The following PIEZO1 variants were observed in gnomAD, a reference collection of about 807,000 sequenced individuals.
PIEZO1 encodes the protein piezo-type mechanosensitive ion channel component 1.
Under a neutral mutation model 297.2 loss-of-function variants are expected in PIEZO1, and 296 were observed. The ratio of observed to expected loss-of-function variants is 1.00; its 90% CI spans 0.91 to 1.10. The LOEUF is 1.10. Among genes scored for constraint, PIEZO1 ranks in the 50% least tolerant of loss-of-function variants. PIEZO1 has a pLI of 0.00. For missense variants in PIEZO1, 5,018 were observed against 3,455.5 expected (o/e 1.45, Z -11.34); for synonymous variants, 2,427 against 1,507.5 (o/e 1.61, Z -14.13).
At position 88,749,459 on chromosome 16, in the gene PIEZO1, C is replaced by T. The variant is rs987409464; in HGVS notation, c.85G>A (p.Gly29Arg). Residue 29 changes from glycine to arginine, a missense_variant, in exon 2 of 51, where the codon GGA becomes AGA. Physicochemically the swap from Gly to Arg is moderately radical, Grantham distance 125 (BLOSUM62 -2). Coordinates refer to ENST00000301015, the MANE Select transcript of PIEZO1 (RefSeq NM_001142864.4). Reference sequence around the variant, plus strand: ...AAGAGCAGGTAGACCAGCGAGAGTCCGCTGAAGCGGAGCAGGCAGGCTGCG... The same window carrying T: ...AAGAGCAGGTAGACCAGCGAGAGTCTGCTGAAGCGGAGCAGGCAGGCTGCG... ...LLAACLLRFS[G>R]LSLVYLLFLL... is the part of the protein sequence containing the mutation. 3 of 1,525,518 alleles carry T rather than the reference C, an allele frequency of 2.0e-6. No homozygotes were observed. Among genetic ancestry groups the T allele is most frequent in the South Asian group, 1.2e-5 (1 of 81,958 alleles). The allele number at this position is 1,525,518 out of a possible 1,614,324, so 94.5% of individuals were successfully genotyped here.
Position 88,720,150 on chromosome 16 carries a change from A to G in PIEZO1, c.6083T>C (p.Leu2028Pro). 3 of 1,550,474 alleles carry G rather than the reference A, an allele frequency of 1.9e-6. No individual in the cohort carries two copies. The highest frequency in any genetic ancestry group is 2.6e-6 in the Non-Finnish European group (3 of 1,146,988). The change falls in exon 42 of 51, where the codon CTG (leucine) becomes CCG (proline). Residue 2028 changes from leucine (L) to proline (P), a missense_variant. Transcript: ENST00000301015. ...DRALYLRKTV[L>P]GKLAFQVALV... ...CGCCACCTGGAAGGCCAGCTTGCCC[A>G]GCACGGTCTTGCGCAGGTAGAGGGC...
chr16:88,732,471 T>C lies in PIEZO1; in HGVS notation c.2855A>G (p.Tyr952Cys). 1.9e-6 allele frequency: 3 copies of C among 1,549,256 alleles called. No homozygotes were observed. Among genetic ancestry groups the C allele is most frequent in the Middle Eastern group, 1.7e-4 (1 of 5,942 alleles). The change falls in exon 21 of 51, where the codon TAC becomes TGC. Residue 952 changes from tyrosine to cysteine, a missense_variant. By Grantham distance (194) the Tyr-to-Cys change is radical (BLOSUM62 -2). Coordinates refer to ENST00000301015, the MANE Select transcript of PIEZO1 (RefSeq NM_001142864.4). ...EAIVYRRQEH[Y>C]RRQHQLAPLP... Reference sequence around the variant, plus strand: ...CGGGGCCAGCTGGTGCTGCCGGCGGTAGTGCTCCTGGCGCCGGTACACGAT... The same window carrying C: ...CGGGGCCAGCTGGTGCTGCCGGCGGCAGTGCTCCTGGCGCCGGTACACGAT...
At chr16:88,727,768 G>T in intron 22 of PIEZO1, 107 bp from the exon 23 acceptor site, 1 of 522,826 alleles carries the variant, frequency 1.9e-6, no homozygotes, top group Non-Finnish European at 3.4e-6. Context: ...AGGGTCCATG[G>T]GAATCACCTC....
At chr16:88,717,424 G>A in intron 44 of PIEZO1, 1 of 644,388 alleles carries the variant, frequency 1.6e-6, no homozygotes, top group Middle Eastern at 4.0e-4. Context: ...CTTAGACAAG[G>A]GAGCTGTGAC....
intron 2 of PIEZO1, among the ~76,000 whole-genome samples, chr16:88,748,098 C>A (rs1378634667): frequency 6.6e-6 from 1 of 152,224 alleles, no homozygotes; most frequent in East Asian, 1.9e-4. Flanking sequence ...CCTGCTTGGC[C>A]TCCTCTCTGC....
Position 88,784,946 on chromosome 16 carries a change from C to A in PIEZO1, c.19G>T (p.Gly7Cys), listed in dbSNP as rs1226315961. 7.2e-7 allele frequency: 1 copy of A among 1,386,718 alleles called. No individual in the cohort carries two copies. The highest frequency in any genetic ancestry group is 2.6e-5 in the Admixed American group (1 of 38,622). The allele number at this position is 1,386,718 out of a possible 1,614,324, so 85.9% of individuals were successfully genotyped here. MEPHVLGAVLYWLLLPC... is the reference protein window; with the variant it reads MEPHVLCAVLYWLLLPC... ...AGCAGCAGCCAGTACAGGACCGCGC[C>A]GAGCACGTGCGGCTCCATGGCTGGA... Residue 7 changes from glycine (G) to cysteine (C), a missense_variant, in exon 1 of 51, where the codon GGC (glycine) becomes TGC (cysteine). By Grantham distance (159) the Gly-to-Cys change is radical. Coordinates refer to ENST00000301015, the MANE Select transcript of PIEZO1 (RefSeq NM_001142864.4).
At chr16:88,773,545 C>A (rs1034019851) in intron 1 of PIEZO1, among the ~76,000 whole-genome samples, 1 of 152,212 alleles carries the variant, frequency 6.6e-6, no homozygotes, top group African/African-American at 2.4e-5. Context: ...CCTGGGGGCT[C>A]AAGGCCACCC....
At chr16:88,743,076 C>G (rs1905798184) in intron 2 of PIEZO1, 1 of 456,606 alleles carries the variant, frequency 2.2e-6, no homozygotes, top group Admixed American at 2.3e-5. Flanking sequence ...GCACCCACAC[C>G]TGGCAGGAAG....
chr16:88,722,559 G>A (rs1039552130), intron 35 of PIEZO1, 24 bp downstream of exon 35: 30 of 1,484,596 alleles, frequency 2.0e-5, no homozygotes, highest in Non-Finnish European at 2.6e-5. Flanking sequence ...CAGCAGCTGG[G>A]GCTCGGGTCA....
At chr16:88,758,763 A>C (rs1269515667) in intron 1 of PIEZO1, among the ~76,000 whole-genome samples, 1 of 152,228 alleles carries the variant, frequency 6.6e-6, no homozygotes, top group East Asian at 1.9e-4. Context: ...CCTCTGTCTT[A>C]GTTTGTTCGT....
At chr16:88,722,442 G>A (rs750812755) in intron 35 of PIEZO1, 45 bp from the exon 36 acceptor site, 4 of 1,467,778 alleles carry the variant, frequency 2.7e-6, no homozygotes, top group Non-Finnish European at 3.6e-6. Flanking sequence ...TCTATGGCCT[G>A]ACCCCAGGCT....
intron 10 of PIEZO1, 54 bp downstream of exon 10, chr16:88,737,505 G>A (rs964216187): frequency 3.9e-4 from 500 of 1,283,820 alleles, no homozygotes; most frequent in Non-Finnish European, 3.3e-4. Context: ...GGGCAGCACC[G>A]GCCTCCGCCC....
At chr16:88,736,006 T>G (rs1343202313) in intron 12 of PIEZO1, 142 bp downstream of exon 12, 4 of 820,220 alleles carry the variant, frequency 4.9e-6, no homozygotes, top group African/African-American at 1.7e-5. Context: ...CTGGGCTGGC[T>G]CTGGGTGGGC....
Position 88,719,596 on chromosome 16 carries a change from T to G in PIEZO1, c.6449A>C (p.Lys2150Thr). ...CACCTTCTCTGTCTCTCGGCTGCATTTGATGATGAAGATGTTGGCATAGAT... is the reference window on the plus strand; with the variant it reads ...CACCTTCTCTGTCTCTCGGCTGCATGTGATGATGAAGATGTTGGCATAGAT... ...EDIYANIFIIKCSRETEKKYP... is the reference protein window; with the variant it reads ...EDIYANIFIITCSRETEKKYP... Residue 2150 changes from lysine (K) to threonine (T), a missense_variant, in exon 44 of 51, where the codon AAA (lysine) becomes ACA (threonine). Transcript: ENST00000301015. The G allele has an allele frequency of 6.4e-7, 1 of 1,551,266 alleles. No individual in the cohort carries two copies. The highest frequency in any genetic ancestry group is 8.7e-7 in the Non-Finnish European group (1 of 1,147,294).
intron 2 of PIEZO1, among the ~76,000 whole-genome samples, chr16:88,748,251 AG>A (rs1906166275): frequency 6.2e-5 from 1 of 16,064 alleles, no homozygotes; most frequent in African/African-American, 2.5e-4. Flanking sequence ...CTTTGGGGAC[AG>A]GTCTCTGAGT....
chr16:88,737,592 G>A lies in PIEZO1; in HGVS notation c.1162C>T (p.Leu388=). 3.3e-6 allele frequency: 5 copies of A among 1,534,622 alleles called. No individual in the cohort carries two copies. Among genetic ancestry groups the A allele is most frequent in the Non-Finnish European group, 4.4e-6 (5 of 1,146,468 alleles). The change falls in exon 10 of 51, where the codon CTG becomes TTG. Residue 388 remains leucine, a synonymous_variant. Coordinates refer to ENST00000301015, the MANE Select transcript of PIEZO1 (RefSeq NM_001142864.4). ...CGCAGGACGGAGCTCTGGCCGGTCAGCTCGTGCACGATGCAGTTATCAGCC... is the reference window on the plus strand; with the variant it reads ...CGCAGGACGGAGCTCTGGCCGGTCAACTCGTGCACGATGCAGTTATCAGCC... ...TEADNCIVHE[L]TGQSSVLRRP... is the part of the protein sequence containing the mutation.
At chr16:88,749,819 G>T (rs754994079) in intron 1 of PIEZO1, among the ~76,000 whole-genome samples, 1 of 152,202 alleles carries the variant, frequency 6.6e-6, no homozygotes, top group South Asian at 2.1e-4. Flanking sequence ...CTTGAGGTCA[G>T]GAGTTCAAGA....
intron 17 of PIEZO1, 64 bp from the exon 18 acceptor site, chr16:88,733,809 A>G (rs1332287680): frequency 2.0e-6 from 3 of 1,471,758 alleles, no homozygotes; most frequent in Admixed American, 4.7e-5. Context: ...TGTGAGGAAG[A>G]GGCTCTGGAG....
chr16:88,721,985 C>T lies in PIEZO1; in HGVS notation c.5037G>A (p.Val1679=). ...CCGAGTGGGCGGCCACACACTGGTA[C>T]ACGGCCCGCAGCAGCCGCAGCGCCC... ...QGRALRLLRA[V]YQCVAAHSEL... The change falls in exon 37 of 51, where the codon GTG becomes GTA. Residue 1679 remains valine (V), a synonymous_variant. Transcript: ENST00000301015. 6.5e-7 allele frequency: 1 copy of T among 1,549,814 alleles called. No homozygotes were observed. The highest frequency in any genetic ancestry group is 8.7e-7 in the Non-Finnish European group (1 of 1,146,798).
Sources: gnomAD v4.1 joint callset for allele counts (sites outside exome capture counted in the v4.1 genomes callset) on GRCh38, gnomAD v4.1.1 for gene constraint, MANE v1.5 for transcripts, NCBI Gene and HGNC (gene_info 2026-07-23, HGNC 2026-07-21) for gene names.